The following CXADR variants were observed in gnomAD, a reference collection of about 807,000 sequenced individuals.
CXADR encodes the protein CXADR cell adhesion molecule.
Under a neutral mutation model 40.3 loss-of-function variants are expected in CXADR, and 20 were observed. That is an observed-to-expected ratio of 0.50 (90% CI 0.35 to 0.72). The LOEUF (loss-of-function observed/expected upper bound fraction) is 0.72, where lower values mean the gene tolerates loss of function less well. Ranked by LOEUF, CXADR falls within the 30% of genes least tolerant of loss-of-function variation. CXADR has a pLI of 0.01. For missense variants in CXADR, 332 were observed against 449.1 expected (o/e 0.74, Z 2.36); for synonymous variants, 150 against 161.3 (o/e 0.93, Z 0.53).
At chr21:17,530,018 G>A (rs1364242494) in intron 1 of CXADR, among the ~76,000 whole-genome samples, 11 of 149,064 alleles carry the variant, frequency 7.4e-5, no homozygotes, top group Admixed American at 1.3e-4. Flanking sequence ...GCTTGATCTC[G>A]ACTCACTGCA....
At chr21:17,518,903 C>T (rs907552524) in intron 1 of CXADR, 35 of 1,580,430 alleles carry the variant, frequency 2.2e-5, no homozygotes, top group Middle Eastern at 1.9e-4. Context: ...TCAGCCATGG[C>T]TGTTTTATGT....
chr21:17,624,692 A>G, the CXADR span, among the ~76,000 whole-genome samples: 2 of 152,278 alleles, frequency 1.3e-5, no homozygotes, highest in African/African-American at 4.8e-5. Context: ...TTGCCACATA[A>G]TGTAACAAAT....
At chr21:17,595,375 CTG>C (rs143649862), downstream of CXADR, among the ~76,000 whole-genome samples, 962 of 151,982 alleles carry the variant, frequency 6.3e-3, 57 homozygotes, top group East Asian at 0.13. Context: ...AAAGGGTAAA[CTG>C]TGGAAAGTCC....
intron 6 of CXADR, among the ~76,000 whole-genome samples, chr21:17,564,029 A>G (rs2061166035): frequency 6.6e-6 from 1 of 151,774 alleles, no homozygotes; most frequent in Non-Finnish European, 1.5e-5. Context: ...AAACAAAACA[A>G]AACAAAAATG....
intron 3 of CXADR, among the ~76,000 whole-genome samples, chr21:17,554,613 G>C (rs1195676295): frequency 6.6e-6 from 1 of 152,182 alleles, no homozygotes; most frequent in Non-Finnish European, 1.5e-5. Context: ...ATTCCTTGTA[G>C]CTTTTTCTTC....
chr21:17,577,530 A>G (rs920134260), intron 7 of CXADR, among the ~76,000 whole-genome samples: 3 of 146,196 alleles, frequency 2.1e-5, no homozygotes, highest in Non-Finnish European at 4.5e-5. Flanking sequence ...GAGCACAGGT[A>G]TTAAGACAAT....
At chr21:17,609,639 C>T in the CXADR span, among the ~76,000 whole-genome samples, 13 of 152,238 alleles carry the variant, frequency 8.5e-5, no homozygotes, top group African/African-American at 2.9e-4. Context: ...ACAGAGTTAT[C>T]ATATGACACG....
intron 1 of CXADR, among the ~76,000 whole-genome samples, chr21:17,517,004 G>GA (rs951287508): frequency 2.0e-5 from 3 of 151,694 alleles, no homozygotes; most frequent in Admixed American, 2.0e-4. Context: ...GTGTTTGGAT[G>GA]AAAAAAAATA....
chr21:17,574,824 G>T (rs553088284), downstream of CXADR, among the ~76,000 whole-genome samples: 1 of 152,240 alleles, frequency 6.6e-6, no homozygotes, highest in African/African-American at 2.4e-5. Flanking sequence ...AAATGGAGAT[G>T]TTGAATAGAT....
the CXADR span, among the ~76,000 whole-genome samples, chr21:17,627,232 T>C: frequency 6.6e-6 from 1 of 152,166 alleles, no homozygotes; most frequent in Non-Finnish European, 1.5e-5. Context: ...GGCTCATGCC[T>C]GTAATCCCCA....
At chr21:17,553,080 G>T (rs998635929) in intron 3 of CXADR, among the ~76,000 whole-genome samples, 5 of 152,024 alleles carry the variant, frequency 3.3e-5, no homozygotes, top group Non-Finnish European at 5.9e-5. Context: ...GCACCACCAC[G>T]CCTGGCTAAT....
intron 6 of CXADR, among the ~76,000 whole-genome samples, chr21:17,562,015 T>C (rs545628245): frequency 1.3e-5 from 2 of 152,328 alleles, no homozygotes; most frequent in Admixed American, 1.3e-4. Context: ...CAGGCACACT[T>C]CAGAGTTATC....
chr21:17,528,090 T>TTTTA (rs2060621389), intron 1 of CXADR, among the ~76,000 whole-genome samples: 3 of 129,936 alleles, frequency 2.3e-5, no homozygotes, highest in Non-Finnish European at 3.2e-5. Context: ...TTTTTTTTTT[T>TTTTA]TGAGACAGAG....
chr21:17,618,239 G>T, the CXADR span, among the ~76,000 whole-genome samples: 1 of 152,084 alleles, frequency 6.6e-6, no homozygotes, highest in African/African-American at 2.4e-5. Context: ...CAGCAATTCA[G>T]CCACATCTTC....
intron 7 of CXADR, chr21:17,593,123 T>C (rs750342327): frequency 2.4e-5 from 34 of 1,390,462 alleles, no homozygotes; most frequent in Middle Eastern, 2.0e-4. Context: ...AAAACTCTTA[T>C]AGAGATATCT....
chr21:17,541,519 C>G (rs1415910362), intron 1 of CXADR, among the ~76,000 whole-genome samples: 1 of 151,882 alleles, frequency 6.6e-6, no homozygotes, highest in Non-Finnish European at 1.5e-5. Flanking sequence ...GATCGCGCCA[C>G]TACATTCCAG....
chr21:17,561,470 A>G lies in CXADR; in HGVS notation c.827A>G (p.Asp276Gly), dbSNP rs1402258143. The change falls in exon 6 of 7, where the codon GAT becomes GGT. Residue 276 changes from aspartate (D) to glycine (G), a missense_variant. Around this residue, in one of 3 missense-constraint regions of CXADR, gnomAD observed 150 missense variants for 194.2 expected, o/e 0.77. Transcript: ENST00000284878. ...EEKYEKEVHH[D>G]IREDVPPPKS... ...AAATATGAAAAGGAAGTTCATCACG[A>G]TATCAGGTAATTAAGTGAGACAGGA... 5.6e-6 allele frequency: 9 copies of G among 1,606,640 alleles called. No individual in the cohort carries two copies. Among genetic ancestry groups the G allele is most frequent in the Admixed American group, 1.7e-5 (1 of 58,566 alleles).
At chr21:17,635,350 T>C in the CXADR span, among the ~76,000 whole-genome samples, 1 of 152,206 alleles carries the variant, frequency 6.6e-6, no homozygotes, top group South Asian at 2.1e-4. Context: ...CAAATATTTG[T>C]AAAATATCTT....
chr21:17,589,878 G>A (rs1037003070), intron 7 of CXADR, among the ~76,000 whole-genome samples: 1 of 151,944 alleles, frequency 6.6e-6, no homozygotes, highest in Non-Finnish European at 1.5e-5. Context: ...CACTGTAAGA[G>A]ACTGCTTCCC....
Sources: gnomAD v4.1 joint callset for allele counts (sites outside exome capture counted in the v4.1 genomes callset) on GRCh38, gnomAD v4.1.1 for gene constraint, gnomAD v4.1.1 regional missense constraint, MANE v1.5 for transcripts, NCBI Gene and HGNC (gene_info 2026-07-23, HGNC 2026-07-21) for gene names.